PYGB: variants seen among roughly 807,000 people sequenced by gnomAD.
The protein encoded by PYGB is glycogen phosphorylase B.
A neutral mutation model predicts 94.3 loss-of-function variants in PYGB; 82 were observed. That is an observed-to-expected ratio of 0.87 (90% CI 0.73 to 1.04). The LOEUF is 1.04. Ranked by LOEUF, PYGB falls within the 50% of genes least tolerant of loss-of-function variation. The probability of loss-of-function intolerance (pLI) is 0.00; values close to 1 mark genes in which losing one functional copy is unlikely to be tolerated. For missense variants in PYGB, 1,132 were observed against 1,158.2 expected (o/e 0.98, Z 0.33); for synonymous variants, 488 against 479.1 (o/e 1.02, Z -0.24).
chr20:25,259,141 G>C (rs1055026933), intron 1 of PYGB, 96 bp from the exon 2 acceptor site: 1 of 1,100,746 alleles, frequency 9.1e-7, no homozygotes, highest in South Asian at 1.4e-5. Context: ...ATGAAATCCC[G>C]AGTGGGGGCT....
intron 1 of PYGB, among the ~76,000 whole-genome samples, chr20:25,252,742 G>A (rs1241331865): frequency 6.6e-6 from 1 of 152,240 alleles, no homozygotes; most frequent in African/African-American, 2.4e-5. Flanking sequence ...AGGATTCACT[G>A]AACTGGAAGG....
At chr20:25,272,627 A>G (rs867915719) in intron 4 of PYGB, among the ~76,000 whole-genome samples, 6 of 152,248 alleles carry the variant, frequency 3.9e-5, no homozygotes, top group South Asian at 2.1e-4. Flanking sequence ...GTTGGTAAAG[A>G]AAAGAAATGG....
chr20:25,290,915 C>G (rs1156351457), intron 16 of PYGB, among the ~76,000 whole-genome samples: 1 of 152,108 alleles, frequency 6.6e-6, no homozygotes, highest in East Asian at 1.9e-4. Context: ...CCTCCCCTGC[C>G]CTCTCCTCCT....
chr20:25,281,521 A>G (rs2088367011), intron 11 of PYGB, among the ~76,000 whole-genome samples: 2 of 152,140 alleles, frequency 1.3e-5, no homozygotes, highest in African/African-American at 4.8e-5. Context: ...GTGATCTAGG[A>G]ATTACTCCCA....
rs565446085 is a variant in PYGB, at chr20:25,279,546, C to T, written c.1092+397C>T. On this transcript the variant is annotated intron_variant, in intron 9 of 19. Coordinates refer to ENST00000216962, the MANE Select transcript of PYGB (RefSeq NM_002862.4). ...TGTGGTAGGATTTTCTTAATCTAAC[C>T]GTTACCAAATCAACATGTGGAACCA... 3.3e-5 allele frequency among the ~76,000 whole-genome samples: 5 copies of T among 152,176 alleles called. No homozygotes were observed. The East Asian group carries it at 5.8e-4, about 18-fold the overall frequency.
rs1264410774 is a variant in PYGB at position 25,294,284 on chromosome 20, C to T, written c.2304C>T (p.His768=). 2 of 1,564,002 alleles carry T rather than the reference C, an allele frequency of 1.3e-6. No homozygotes were observed. Among genetic ancestry groups the T allele is most frequent in the Non-Finnish European group, 1.7e-6 (2 of 1,146,360 alleles). ...CFKDIVNMLM[H]HDRFKVFADY... ...AGGACATCGTGAACATGCTGATGCA[C>T]CATGACAGGTGGGACCGACTTCCCT... Residue 768 remains histidine, a synonymous_variant, in exon 18 of 20, where the codon CAC becomes CAT. Coordinates refer to ENST00000216962, the MANE Select transcript of PYGB (RefSeq NM_002862.4).
intron 2 of PYGB, 72 bp from the exon 3 acceptor site, chr20:25,269,057 A>G: frequency 7.8e-7 from 1 of 1,286,254 alleles, no homozygotes; most frequent in Non-Finnish European, 1.1e-6. Flanking sequence ...CAAGACTTAC[A>G]CATCTTTCAG....
At chr20:25,294,341 A>AG (rs771493148) in intron 18 of PYGB, 49 bp downstream of exon 18, 6 of 541,502 alleles carry the variant, frequency 1.1e-5, no homozygotes, top group Non-Finnish European at 2.1e-5. Context: ...GGAGGGAGGG[A>AG]GGGGTCCTCT....
intron 2 of PYGB, among the ~76,000 whole-genome samples, chr20:25,264,141 C>T (rs781291311): frequency 1.3e-5 from 2 of 152,136 alleles, no homozygotes; most frequent in African/African-American, 2.4e-5. Flanking sequence ...AATCAACAAA[C>T]GTAATCCATC....
In PYGB at chr20:25,269,289, A is replaced by G; in HGVS notation, c.424+82A>G. The G allele has an allele frequency of 3.3e-6, 4 of 1,195,352 alleles. No individual in the cohort carries two copies. The South Asian group carries it at 5.9e-5, about 18-fold the overall frequency. The allele number at this position is 1,195,352 out of a possible 1,614,324, so 74.0% of individuals were successfully genotyped here. ...ACGTGGTGAGGCCAGGGTCAGGTAA[A>G]TTGGCCTCAGGGTAAATTGGCTTTG... On this transcript the variant is annotated intron_variant, in intron 3 of 19. Transcript: ENST00000216962.
In PYGB at chr20:25,294,215, G is replaced by C; in HGVS notation, c.2235G>C (p.Gln745His). Residue 745 changes from glutamine to histidine, a missense_variant, in exon 18 of 20, where the codon CAG becomes CAC. Gln to His is a conservative substitution (Grantham distance 24). Transcript: ENST00000216962. Reference sequence around the variant, plus strand: ...CCGAGCTGAAGCAGGCCGTGGACCAGATCAGCAGTGGCTTTTTTTCTCCCA... The same window carrying C: ...CCGAGCTGAAGCAGGCCGTGGACCACATCAGCAGTGGCTTTTTTTCTCCCA... Reference protein sequence around the residue: ...HLPELKQAVDQISSGFFSPKE... With the variant: ...HLPELKQAVDHISSGFFSPKE... 1 of 1,613,678 alleles carries C rather than the reference G, an allele frequency of 6.2e-7. No homozygotes were observed. The highest frequency in any genetic ancestry group is 8.5e-7 in the Non-Finnish European group (1 of 1,179,866).
chr20:25,271,341 C>G, intron 3 of PYGB, 42 bp from the exon 4 acceptor site: 1 of 1,589,102 alleles, frequency 6.3e-7, no homozygotes, highest in Non-Finnish European at 8.6e-7. Context: ...GACCTTGGTG[C>G]CGTGCCTTTG....
intron 4 of PYGB, among the ~76,000 whole-genome samples, chr20:25,273,141 C>T (rs543352456): frequency 2.0e-5 from 3 of 152,350 alleles, no homozygotes; most frequent in Admixed American, 6.5e-5. Context: ...CCAGAGGGGC[C>T]GCAGGCCAGC....
chr20:25,253,168 C>T (rs1186136764), intron 1 of PYGB, among the ~76,000 whole-genome samples: 1 of 152,242 alleles, frequency 6.6e-6, no homozygotes, highest in Non-Finnish European at 1.5e-5. Context: ...CAAACCCTGC[C>T]ACCAGCTACC....
chr20:25,258,578 G>A (rs767957337), intron 1 of PYGB, among the ~76,000 whole-genome samples: 1 of 152,248 alleles, frequency 6.6e-6, no homozygotes, highest in African/African-American at 2.4e-5. Context: ...GGTAGAGAAA[G>A]TAGGGCACCT....
chr20:25,290,853 C>T (rs2088460578), intron 16 of PYGB, among the ~76,000 whole-genome samples: 1 of 152,160 alleles, frequency 6.6e-6, no homozygotes, highest in South Asian at 2.1e-4. Flanking sequence ...GTGTCATCCC[C>T]CAACAGGGCA....
chr20:25,278,708 T>A (rs1485707035), intron 8 of PYGB, among the ~76,000 whole-genome samples: 2 of 152,182 alleles, frequency 1.3e-5, no homozygotes, highest in African/African-American at 4.8e-5. Flanking sequence ...TCAGATGTGC[T>A]GGGCAGGCTA....
intron 18 of PYGB, chr20:25,295,099 G>T: frequency 6.8e-7 from 1 of 1,477,610 alleles, no homozygotes; most frequent in Non-Finnish European, 9.5e-7. Context: ...TGACTCGATA[G>T]TGAACAGAAA....
chr20:25,284,361 A>G (rs1600737690), intron 14 of PYGB, 110 bp downstream of exon 14: 3 of 1,405,268 alleles, frequency 2.1e-6, no homozygotes, highest in East Asian at 4.8e-5. Flanking sequence ...CTGTGTGTGT[A>G]TAGGCGTGTG....
Sources: gnomAD v4.1 joint callset for allele counts (sites outside exome capture counted in the v4.1 genomes callset) on GRCh38, gnomAD v4.1.1 for gene constraint, MANE v1.5 for transcripts, NCBI Gene and HGNC (gene_info 2026-07-23, HGNC 2026-07-21) for gene names.